EML4: variants seen among roughly 807,000 people sequenced by gnomAD.
The protein encoded by EML4 is echinoderm microtubule-associated protein-like 4.
In EML4, 72 loss-of-function variants were observed where a neutral mutation model predicts 129.0. The observed-to-expected ratio is 0.56, with a 90% confidence interval of 0.46 to 0.68. The LOEUF is 0.68. EML4 is among the 30% of genes least tolerant of loss of function. The pLI is 0.00. For missense variants in EML4, 1,363 were observed against 1,190.6 expected, an observed-to-expected ratio of 1.14 and a Z score of -2.13; for synonymous variants, 532 against 405.0, an observed-to-expected ratio of 1.31 and a Z score of -3.77.
At chr2:42,209,385 A>G (rs1441642411) in intron 1 of EML4, among the ~76,000 whole-genome samples, 1 of 152,168 alleles carries the variant, frequency 6.6e-6, no homozygotes, top group Non-Finnish European at 1.5e-5. Context: ...AGTTTCTAAA[A>G]CAGATATTCA....
rs377651397 is a variant in EML4, at chr2:42,214,341, C to T, written c.26-31164C>T. On this transcript the variant is annotated intron_variant, in intron 1 of 22. Coordinates refer to ENST00000318522, the MANE Select transcript of EML4 (RefSeq NM_019063.5). ...GCTTACCTGAGTTTTTATTATAAGGCGTTTGTATATTTGAATAGGCTAGGC... is the reference window on the plus strand; with the variant it reads ...GCTTACCTGAGTTTTTATTATAAGGTGTTTGTATATTTGAATAGGCTAGGC... 9.2e-5 allele frequency among the ~76,000 whole-genome samples: 14 copies of T among 152,184 alleles called. No individual in the cohort carries two copies. The East Asian group carries it at 1.7e-3, about 19-fold the overall frequency.
chr2:42,220,542 C>T (rs749107175), intron 1 of EML4, among the ~76,000 whole-genome samples: 8 of 152,124 alleles, frequency 5.3e-5, no homozygotes, highest in Non-Finnish European at 7.4e-5. Flanking sequence ...CTCTGTCTCT[C>T]TCCCTCTCCT....
chr2:42,267,565 T>C (rs769378051), intron 6 of EML4, among the ~76,000 whole-genome samples: 10 of 152,220 alleles, frequency 6.6e-5, no homozygotes, highest in Non-Finnish European at 1.5e-4. Context: ...GAGAATACTT[T>C]ACCTGAAAGG....
intron 2 of EML4, among the ~76,000 whole-genome samples, chr2:42,245,963 C>T (rs778460816): frequency 2.1e-4 from 32 of 152,034 alleles, no homozygotes; most frequent in Non-Finnish European, 3.5e-4. Context: ...TAAGTTTACT[C>T]AGGGCAGGAA....
In EML4 at chr2:42,295,409, G is replaced by GT; in HGVS notation, c.1385dup (p.Leu462PhefsTer35). The GT allele has an allele frequency of 6.2e-7, 1 of 1,613,980 alleles. No individual in the cohort carries two copies. On this transcript the variant is annotated frameshift_variant, in exon 13 of 23. Transcript: ENST00000318522. LOFTEE classifies it high-confidence loss of function. ...TATGAAAAGCCAAAATTTGTGCAGTGTTTAGCATTCTTGGGGAATGGAGAT... is the reference window on the plus strand; with the variant it reads ...TATGAAAAGCCAAAATTTGTGCAGTGTTTTAGCATTCTTGGGGAATGGAGAT...
At chr2:42,285,977 GATAATT>G (rs1398129514) in intron 9 of EML4, 1 of 355,610 alleles carries the variant, frequency 2.8e-6, no homozygotes, top group Non-Finnish European at 5.2e-6. Flanking sequence ...TCTGTTAAAT[GATAATT>G]ATAATAGTGT....
At chr2:42,251,541 G>C (rs1192379514) in intron 2 of EML4, among the ~76,000 whole-genome samples, 1 of 152,226 alleles carries the variant, frequency 6.6e-6, no homozygotes, top group Non-Finnish European at 1.5e-5. Context: ...GAAGTATACA[G>C]ATAAAATTCC....
At chr2:42,263,380 T>A (rs1010324381) in intron 5 of EML4, 74 bp downstream of exon 5, 2 of 1,211,632 alleles carry the variant, frequency 1.7e-6, no homozygotes, top group Non-Finnish European at 2.3e-6. Context: ...TGTACAGTTA[T>A]GTATGTCTGG....
intron 7 of EML4, among the ~76,000 whole-genome samples, chr2:42,281,864 T>C (rs1667030350): frequency 6.6e-6 from 1 of 152,210 alleles, no homozygotes; most frequent in African/African-American, 2.4e-5. Context: ...CTCTGTTGTC[T>C]GCCTCCATTC....
chr2:42,192,999 G>C (rs1487045961), intron 1 of EML4, among the ~76,000 whole-genome samples: 1 of 152,196 alleles, frequency 6.6e-6, no homozygotes, highest in African/African-American at 2.4e-5. Flanking sequence ...AAACTGACAT[G>C]TTTGGCTGGT....
chr2:42,269,263 A>G (rs1381623795), intron 6 of EML4, among the ~76,000 whole-genome samples: 1 of 152,252 alleles, frequency 6.6e-6, no homozygotes, highest in African/African-American at 2.4e-5. Flanking sequence ...TAATTTAAAA[A>G]TAAATAAAAC....
In EML4 at chr2:42,331,822, T is replaced by G; in HGVS notation, c.*1615T>G. 4.5e-6 allele frequency: 1 copy of G among 221,844 alleles called. No individual in the cohort carries two copies. The highest frequency in any genetic ancestry group is 9.0e-6 in the Non-Finnish European group (1 of 110,608). The allele number at this position is 221,844 out of a possible 1,614,324, so 13.7% of individuals were successfully genotyped here. On this transcript the variant is annotated 3_prime_UTR_variant, in exon 23 of 23. Transcript: ENST00000318522. ...GTGTGGGTGTGTGTGAAGGGGCGAG[T>G]GGAGACACTGTGTGTATCTCTAGAT...
chr2:42,258,936 T>C (rs1665532799), intron 3 of EML4, among the ~76,000 whole-genome samples: 1 of 152,180 alleles, frequency 6.6e-6, no homozygotes, highest in African/African-American at 2.4e-5. Flanking sequence ...TTACAAAATG[T>C]CCTTTGATTA....
chr2:42,210,649 CATTT>C (rs1410454285), intron 1 of EML4, among the ~76,000 whole-genome samples: 3 of 152,080 alleles, frequency 2.0e-5, no homozygotes, highest in African/African-American at 4.8e-5. Flanking sequence ...TTTTTTCAGT[CATTT>C]ATTTATTTCA....
At chr2:42,230,260 C>T (rs1674246825) in intron 1 of EML4, among the ~76,000 whole-genome samples, 1 of 152,088 alleles carries the variant, frequency 6.6e-6, no homozygotes, top group East Asian at 1.9e-4. Flanking sequence ...TGAAAAATAG[C>T]TTCTTCCCCA....
chr2:42,208,289 A>T (rs993690377), intron 1 of EML4, among the ~76,000 whole-genome samples: 49 of 152,176 alleles, frequency 3.2e-4, no homozygotes, highest in African/African-American at 9.4e-4. Flanking sequence ...TTTGCCTTAC[A>T]TCATTTAGAA....
chr2:42,215,234 AT>A (rs924111009), intron 1 of EML4, among the ~76,000 whole-genome samples: 2 of 151,926 alleles, frequency 1.3e-5, no homozygotes, highest in African/African-American at 2.4e-5. Flanking sequence ...TAACTTTTAT[AT>A]TTTTTGTTGA....
At chr2:42,231,604 G>A (rs1674350786) in intron 1 of EML4, among the ~76,000 whole-genome samples, 1 of 152,040 alleles carries the variant, frequency 6.6e-6, no homozygotes, top group African/African-American at 2.4e-5. Context: ...ATCCTCTTAT[G>A]TAATCAATGA....
At chr2:42,234,803 A>T (rs1178345157) in intron 1 of EML4, among the ~76,000 whole-genome samples, 3 of 152,200 alleles carry the variant, frequency 2.0e-5, no homozygotes, top group African/African-American at 7.2e-5. Context: ...TACATCAGAA[A>T]TTGTATAATT....
Sources: gnomAD v4.1 joint callset for allele counts (sites outside exome capture counted in the v4.1 genomes callset) on GRCh38, gnomAD v4.1.1 for gene constraint, MANE v1.5 for transcripts, NCBI Gene and HGNC (gene_info 2026-07-23, HGNC 2026-07-21) for gene names.